Variants in MEI1 observed in about 807,000 individuals in gnomAD.
MEI1 encodes meiosis inhibitor protein 1.
In MEI1, 103 loss-of-function variants were observed where a neutral mutation model predicts 146.2. The ratio of observed to expected loss-of-function variants is 0.70; its 90% confidence interval spans 0.60 to 0.83. The LOEUF (loss-of-function observed/expected upper bound fraction) is 0.83. MEI1 is among the 40% of genes least tolerant of loss of function. The pLI is 0.00. For missense variants in MEI1, 1,529 were observed against 1,533.0 expected, an observed-to-expected ratio of 1.00 and a Z score of 0.04; for synonymous variants, 652 against 628.2, an observed-to-expected ratio of 1.04 and a Z score of -0.57.
chr22:41,728,437 A>G (rs1601780522), intron 7 of MEI1, among the ~76,000 whole-genome samples: 1 of 152,252 alleles, frequency 6.6e-6, no homozygotes, highest in South Asian at 2.1e-4. Flanking sequence ...TGTTGCAAAC[A>G]TCAAAGCCAG....
Position 41,770,935 on chromosome 22 carries a change from A to T in MEI1, c.2518A>T (p.Ile840Phe), listed in dbSNP as rs748653210. 1.2e-6 allele frequency: 2 copies of T among 1,613,830 alleles called. No homozygotes were observed. Among genetic ancestry groups the T allele is most frequent in the South Asian group, 2.2e-5 (2 of 91,064 alleles). Residue 840 changes from isoleucine (I) to phenylalanine (F), a missense_variant, in exon 20 of 31, where the codon ATC (isoleucine) becomes TTC (phenylalanine). Physicochemically the swap from Ile to Phe is conservative, Grantham distance 21. This residue lies in a region of MEI1 where 1,212 missense variants were observed against 1,178.9 expected (regional missense o/e 1.03). Transcript: ENST00000401548. The stretch of plus-strand genomic sequence containing the variant: ...AGTCCTGTTCCAGTTGCTCAGAAGC[A>T]TCCCCAGCATCCTGCTCATCTTGCT... ...LVVLFQLLRS[I>F]PSILLILLDL...
intron 28 of MEI1, 28 bp downstream of exon 28, chr22:41,794,505 C>A: frequency 1.9e-6 from 3 of 1,583,596 alleles, no homozygotes; most frequent in South Asian, 2.2e-5. Flanking sequence ...ATCTTGTGGT[C>A]TGAGGAGTGT....
In MEI1 at chr22:41,744,705, A is replaced by C. The variant is rs527379992; in HGVS notation, c.1447-268A>C. On this transcript the variant is annotated intron_variant, in intron 12 of 30. Coordinates refer to ENST00000401548, the MANE Select transcript of MEI1 (RefSeq NM_152513.4). ...AGTAGAGACGGGGTTTCACCGTTTT[A>C]GCCGGGATGGTCTCGATCTCTTGAC... 4.8e-4 allele frequency among the ~76,000 whole-genome samples: 17 copies of C among 35,686 alleles called. 6 individuals are homozygous for C. Among genetic ancestry groups the C allele is most frequent in the Admixed American group, 1.4e-3 (9 of 6,596 alleles). The allele number at this position is 35,686 out of a possible 152,430, so 23.4% of individuals were successfully genotyped here. A position where few individuals can be genotyped will look rare whatever the true frequency, so the allele number is the denominator to read the frequency against.
At chr22:41,720,781 A>AT (rs1383160345) in intron 6 of MEI1, among the ~76,000 whole-genome samples, 3 of 107,066 alleles carry the variant, frequency 2.8e-5, no homozygotes, top group East Asian at 2.6e-4. Flanking sequence ...TTTATTTTTT[A>AT]TTTTTTTTGA....
intron 11 of MEI1, among the ~76,000 whole-genome samples, chr22:41,741,442 G>T (rs1003860315): frequency 2.0e-5 from 3 of 152,182 alleles, no homozygotes; most frequent in Non-Finnish European, 4.4e-5. Flanking sequence ...AGATGGAACT[G>T]GTCCCTTTCC....
Position 41,795,372 on chromosome 22 carries a change from A to C in MEI1, c.3535-39A>C. ...AGTTGTCTATGATGAAGGAGATGCC[A>C]AATCACTGGGTGTTTGGGGGTTTCT... On this transcript the variant is annotated intron_variant, in intron 28 of 30. Transcript: ENST00000401548. This position sits in a 1 kb window ranked among gnomAD's most constrained non-coding sequence, Gnocchi z 4.2. The C allele has an allele frequency of 6.2e-7, 1 of 1,610,388 alleles. No homozygotes were observed. The highest frequency in any genetic ancestry group is 1.3e-5 in the African/African-American group (1 of 74,988).
At chr22:41,737,273 G>A in intron 11 of MEI1, among the ~76,000 whole-genome samples, 1 of 150,662 alleles carries the variant, frequency 6.6e-6, no homozygotes, top group Non-Finnish European at 1.5e-5. Flanking sequence ...GTCTTGCTCT[G>A]TCGCCCAGGC....
chr22:41,715,876 C>T (rs1460935662), intron 4 of MEI1, among the ~76,000 whole-genome samples, 165 bp from the exon 5 acceptor site: 1 of 152,138 alleles, frequency 6.6e-6, no homozygotes, highest in Non-Finnish European at 1.5e-5. Flanking sequence ...TCTGGGAGTT[C>T]CCAGTCCAGT....
At chr22:41,720,927 A>G (rs1184863215) in intron 6 of MEI1, among the ~76,000 whole-genome samples, 5 of 151,476 alleles carry the variant, frequency 3.3e-5, no homozygotes, top group East Asian at 3.9e-4. Flanking sequence ...GCTTGCCACC[A>G]CGCCCGGCTA....
intron 3 of MEI1, among the ~76,000 whole-genome samples, chr22:41,713,676 G>A (rs1159012837): frequency 6.6e-6 from 1 of 152,192 alleles, no homozygotes; most frequent in Non-Finnish European, 1.5e-5. Flanking sequence ...AACCTCCCGA[G>A]TAGCTGGGAT....
At chr22:41,720,054 A>G (rs2070618322) in intron 6 of MEI1, among the ~76,000 whole-genome samples, 1 of 152,152 alleles carries the variant, frequency 6.6e-6, no homozygotes, top group African/African-American at 2.4e-5. Flanking sequence ...ATCTTAGGGG[A>G]GCTCACAGGC....
At position 41,754,033 on chromosome 22, in the gene MEI1, A is replaced by G. The variant is rs1407163764; in HGVS notation, c.1938A>G (p.Pro646=). Residue 646 remains proline (P), a synonymous_variant, in exon 17 of 31, where the codon CCA becomes CCG. Transcript: ENST00000401548. ...TCTCAGCTCCAGAGAAGACAGGACC[A>G]CCTTCCAAAGAAGGTAAGATGCTAC... ...NLLSAPEKTG[P]PSKEELSAVS... 6.2e-7 allele frequency: 1 copy of G among 1,611,944 alleles called. No individual in the cohort carries two copies. The highest frequency in any genetic ancestry group is 1.3e-5 in the African/African-American group (1 of 75,006).
chr22:41,761,208 G>C (rs957980953), intron 18 of MEI1, among the ~76,000 whole-genome samples: 8 of 152,060 alleles, frequency 5.3e-5, no homozygotes, highest in Non-Finnish European at 8.8e-5. Context: ...CTACTGGGGA[G>C]GCTGAGGCAG....
At chr22:41,713,961 G>A in intron 3 of MEI1, 41 bp from the exon 4 acceptor site, 1 of 1,530,296 alleles carries the variant, frequency 6.5e-7, no homozygotes, top group South Asian at 1.2e-5. Context: ...ACTCTGGGTT[G>A]GGGGTGCCTC....
chr22:41,784,435 G>A lies in MEI1; in HGVS notation c.3169+15G>A. The A allele has an allele frequency of 6.2e-7, 1 of 1,613,476 alleles. No individual in the cohort carries two copies. The highest frequency in any genetic ancestry group is 8.5e-7 in the Non-Finnish European group (1 of 1,179,480). ...ACTACTCTCAGGTATGGGTCCACAA[G>A]TCTCCAGCAGAAGAAAAGCTTTTTC... On this transcript the variant is annotated intron_variant, in intron 25 of 30. Coordinates refer to ENST00000401548, the MANE Select transcript of MEI1 (RefSeq NM_152513.4).
chr22:41,706,892 T>C (rs2069133560), intron 3 of MEI1, among the ~76,000 whole-genome samples: 1 of 151,772 alleles, frequency 6.6e-6, no homozygotes, highest in Non-Finnish European at 1.5e-5. Context: ...AAAAAAACTT[T>C]AAAGAATGGT....
intron 4 of MEI1, among the ~76,000 whole-genome samples, chr22:41,714,929 C>T (rs544504939): frequency 6.6e-6 from 1 of 151,850 alleles, no homozygotes. Context: ...GTATTTAAGA[C>T]TGAGGAATAA....
At chr22:41,745,127 A>C (rs1047395757) in intron 13 of MEI1, 63 bp downstream of exon 13, 3 of 1,178,736 alleles carry the variant, frequency 2.5e-6, no homozygotes, top group Non-Finnish European at 2.3e-6. Flanking sequence ...GGATTCAGAC[A>C]ATGGGTGAAG....
intron 17 of MEI1, among the ~76,000 whole-genome samples, chr22:41,755,411 A>G (rs763310884): frequency 6.6e-6 from 1 of 152,134 alleles, no homozygotes; most frequent in Non-Finnish European, 1.5e-5. Context: ...TGCTTCCAAC[A>G]TAGCTTGGCT....
Sources: gnomAD v4.1 joint callset for allele counts (sites outside exome capture counted in the v4.1 genomes callset) on GRCh38, gnomAD v4.1.1 for gene constraint, gnomAD v4.1.1 regional missense constraint, Gnocchi (gnomAD v3.1) non-coding constraint, MANE v1.5 for transcripts, NCBI Gene and HGNC (gene_info 2026-07-23, HGNC 2026-07-21) for gene names.